DENND2A: variants seen among roughly 807,000 people sequenced by gnomAD.
The protein encoded by DENND2A is DENN domain-containing protein 2A.
Under a neutral mutation model 105.3 loss-of-function variants are expected in DENND2A, and 53 were observed. That is an observed-to-expected ratio of 0.50 (90% CI 0.40 to 0.63). DENND2A has a LOEUF of 0.63. Among genes scored for constraint, DENND2A ranks in the 30% least tolerant of loss-of-function variants. The pLI is 0.00. For missense variants in DENND2A, 1,138 were observed against 1,279.6 expected, an observed-to-expected ratio of 0.89 and a Z score of 1.69; for synonymous variants, 522 against 508.4, an observed-to-expected ratio of 1.03 and a Z score of -0.36.
At chr7:140,626,274 GAC>G (rs1189640791) in intron 1 of DENND2A, among the ~76,000 whole-genome samples, 2 of 152,184 alleles carry the variant, frequency 1.3e-5, no homozygotes, top group African/African-American at 4.8e-5. Flanking sequence ...TGCATGCTGT[GAC>G]ACCGAGGCCC....
chr7:140,613,631 G>A (rs1799981137), intron 1 of DENND2A, among the ~76,000 whole-genome samples: 1 of 150,884 alleles, frequency 6.6e-6, no homozygotes, highest in South Asian at 2.1e-4. Flanking sequence ...TGCCTATGGG[G>A]TAGCCCTGCT....
intron 14 of DENND2A, among the ~76,000 whole-genome samples, chr7:140,542,982 C>T (rs761687782): frequency 2.6e-5 from 4 of 152,016 alleles, no homozygotes; most frequent in Non-Finnish European, 5.9e-5. Flanking sequence ...CCTCAGAACT[C>T]GCCTCCCTGG....
At chr7:140,535,569 C>CTTT (rs562088190) in intron 14 of DENND2A, among the ~76,000 whole-genome samples, 1 of 143,528 alleles carries the variant, frequency 7.0e-6, no homozygotes, top group African/African-American at 2.5e-5. Flanking sequence ...CTTCCAGCTT[C>CTTT]TTTTTTTTTT....
intron 5 of DENND2A, among the ~76,000 whole-genome samples, chr7:140,581,252 A>C (rs1036430855): frequency 1.2e-4 from 18 of 152,148 alleles, no homozygotes; most frequent in African/African-American, 4.3e-4. Context: ...TGACAGAGCA[A>C]GATTCTGTCT....
At chr7:140,607,161 C>T (rs2130697044) in intron 1 of DENND2A, among the ~76,000 whole-genome samples, 1 of 152,216 alleles carries the variant, frequency 6.6e-6, no homozygotes, top group East Asian at 1.9e-4. Flanking sequence ...GGATTCCTAC[C>T]CTATTTCCCA....
At chr7:140,626,061 T>C (rs1800513032) in intron 1 of DENND2A, among the ~76,000 whole-genome samples, 1 of 152,178 alleles carries the variant, frequency 6.6e-6, no homozygotes, top group South Asian at 2.1e-4. Flanking sequence ...GGGATTAACT[T>C]TTCCCAAGGC....
chr7:140,612,132 T>C (rs1223257981), intron 1 of DENND2A, among the ~76,000 whole-genome samples: 1 of 152,012 alleles, frequency 6.6e-6, no homozygotes, highest in Non-Finnish European at 1.5e-5. Flanking sequence ...TCCCAGCTAC[T>C]TGGGAAGCTG....
At chr7:140,589,583 TGAGA>T (rs1420176075) in intron 3 of DENND2A, among the ~76,000 whole-genome samples, 7 of 152,138 alleles carry the variant, frequency 4.6e-5, no homozygotes, top group African/African-American at 1.7e-4. Context: ...GCCTTTTCTT[TGAGA>T]GAGAGAAAGG....
At chr7:140,544,348 C>T (rs1796804322) in intron 14 of DENND2A, 4 of 542,608 alleles carry the variant, frequency 7.4e-6, no homozygotes, top group Admixed American at 3.1e-5. Flanking sequence ...GCGTGGGCCA[C>T]CATGGCTGGC....
intron 12 of DENND2A, among the ~76,000 whole-genome samples, chr7:140,553,109 G>A (rs894657495): frequency 1.3e-5 from 2 of 152,084 alleles, no homozygotes; most frequent in Non-Finnish European, 1.5e-5. Context: ...GGGAACCAGC[G>A]TTCAGCATAT....
At chr7:140,622,328 G>A (rs530579978) in intron 1 of DENND2A, among the ~76,000 whole-genome samples, 186 of 152,078 alleles carry the variant, frequency 1.2e-3, no homozygotes, top group African/African-American at 4.3e-3. Context: ...CCTGGGAGGC[G>A]GAGGTTGCAG....
rs1199931698 is a variant in DENND2A, at chr7:140,601,913, T to C, written c.485A>G (p.Gln162Arg). The C allele has an allele frequency of 6.2e-7, 1 of 1,614,174 alleles. No individual in the cohort carries two copies. Among genetic ancestry groups the C allele is most frequent in the Admixed American group, 1.7e-5 (1 of 60,014 alleles). ...CAAAGCCTGCTCGAGTTTCTTGACC[T>C]GCTTCAGCACGGAGAGGGGATCGTT... ...FQNDPLSVLK[Q>R]VKKLEQALKD... The change falls in exon 3 of 20, where the codon CAG (glutamine) becomes CGG (arginine). Residue 162 changes from glutamine to arginine, a missense_variant. By Grantham distance (43) the Gln-to-Arg change is conservative. Around this residue, in one of 2 missense-constraint regions of DENND2A, gnomAD observed 511 missense variants for 499.9 expected, o/e 1.02. Coordinates refer to ENST00000496613, the MANE Select transcript of DENND2A (RefSeq NM_015689.5).
rs1301324117 is a variant in DENND2A, at chr7:140,519,677, G to A, written c.2953C>T (p.Pro985Ser). 6.2e-7 allele frequency: 1 copy of A among 1,614,074 alleles called. No homozygotes were observed. Among genetic ancestry groups the A allele is most frequent in the Admixed American group, 1.7e-5 (1 of 59,996 alleles). ...VRAQEYLETL[P>S]SGEHSGVNKF... is the part of the protein sequence containing the mutation. ...TTGACACCGCTGTGCTCTCCACTGG[G>A]GAGTGTTTCCAGATACTCTTGGGCT... The change falls in exon 19 of 20, where the codon CCC becomes TCC. Residue 985 changes from proline to serine, a missense_variant. Physicochemically the swap from Pro to Ser is moderately conservative, Grantham distance 74 (BLOSUM62 -1). Transcript: ENST00000496613.
rs12538386 is a variant in DENND2A at position 140,519,627 on chromosome 7, C to A, written c.2998+5G>T. The A allele has an allele frequency of 6.2e-7, 1 of 1,613,706 alleles. No individual in the cohort carries two copies. The highest frequency in any genetic ancestry group is 2.2e-5 in the East Asian group (1 of 44,864). On this transcript the variant is annotated splice_donor_5th_base_variant and intron_variant, in intron 19 of 19. Coordinates refer to ENST00000496613, the MANE Select transcript of DENND2A (RefSeq NM_015689.5). The stretch of plus-strand genomic sequence containing the variant: ...AGGCTGGGCACCCAGAGCCCGGGGC[C>A]TTACCTAGTCCCTTCAGGAACTTAT...
At chr7:140,593,135 T>A (rs933199609) in intron 3 of DENND2A, among the ~76,000 whole-genome samples, 5 of 152,240 alleles carry the variant, frequency 3.3e-5, no homozygotes, top group Non-Finnish European at 5.9e-5. Context: ...TAATGAACGA[T>A]AACCACATCC....
intron 19 of DENND2A, among the ~76,000 whole-genome samples, chr7:140,519,385 T>C (rs893605456): frequency 9.9e-5 from 15 of 152,130 alleles, no homozygotes; most frequent in African/African-American, 3.6e-4. Context: ...CAGGAGATCA[T>C]AGAGAAAGAA....
chr7:140,599,735 CT>C (rs1192883840), intron 3 of DENND2A, among the ~76,000 whole-genome samples: 3 of 151,802 alleles, frequency 2.0e-5, no homozygotes, highest in African/African-American at 4.8e-5. Flanking sequence ...AATATGCAAA[CT>C]TTTTCCCCCT....
intron 9 of DENND2A, among the ~76,000 whole-genome samples, chr7:140,563,242 A>G (rs932252769): frequency 6.6e-6 from 1 of 152,170 alleles, no homozygotes; most frequent in South Asian, 2.1e-4. Context: ...CACCCACCCC[A>G]GATCACACAT....
At chr7:140,528,926 A>G (rs1796157954) in intron 14 of DENND2A, among the ~76,000 whole-genome samples, 1 of 152,058 alleles carries the variant, frequency 6.6e-6, no homozygotes, top group African/African-American at 2.4e-5. Context: ...CAACATGGTG[A>G]TACCTCATCT....
Sources: allele counts gnomAD v4.1 joint callset (sites outside exome capture counted in the v4.1 genomes callset), GRCh38; gene constraint gnomAD v4.1.1; regional missense constraint gnomAD v4.1.1; transcripts MANE v1.5; gene names NCBI Gene and HGNC (gene_info 2026-07-23, HGNC 2026-07-21).